Variants in ATE1 observed in about 807,000 individuals in gnomAD.
ATE1 encodes the protein arginyl-tRNA--protein transferase 1.
Under a neutral mutation model 70.5 loss-of-function variants are expected in ATE1, and 36 were observed. The ratio of observed to expected loss-of-function variants is 0.51; its 90% CI spans 0.39 to 0.67. The LOEUF (loss-of-function observed/expected upper bound fraction) is 0.67, where lower values mean the gene tolerates loss of function less well. Ranked by LOEUF, ATE1 falls within the 30% of genes least tolerant of loss-of-function variation. The pLI, the probability that ATE1 is intolerant of heterozygous loss-of-function variation, is 0.00. For missense variants in ATE1, 593 were observed against 629.5 expected (o/e 0.94, Z 0.62); for synonymous variants, 232 against 219.3 (o/e 1.06, Z -0.51).
At chr10:121,755,909 G>T (rs555338506) in intron 11 of ATE1, among the ~76,000 whole-genome samples, 8 of 152,048 alleles carry the variant, frequency 5.3e-5, no homozygotes, top group Admixed American at 2.0e-4. Context: ...CCCAAATCTC[G>T]TATCTTCACA....
Position 121,836,791 on chromosome 10 carries a change from T to C in ATE1, c.1184A>G (p.His395Arg), listed in dbSNP as rs748028897. ...LREIAFTRQL[H>R]EKTSQLSYYY... is the part of the protein sequence containing the mutation. Reference sequence around the variant, plus strand: ...ATAGCTGAGTTGAGAAGTTTTCTCATGAAGCTGCCTAGTAAAAGCAATTTC... The same window carrying C: ...ATAGCTGAGTTGAGAAGTTTTCTCACGAAGCTGCCTAGTAAAAGCAATTTC... Residue 395 changes from histidine (H) to arginine (R), a missense_variant, in exon 10 of 12, where the codon CAT (histidine) becomes CGT (arginine). Physicochemically the swap from His to Arg is conservative, Grantham distance 29. Coordinates refer to ENST00000224652, the MANE Select transcript of ATE1 (RefSeq NM_001001976.3). The C allele has an allele frequency of 3.1e-6, 5 of 1,603,160 alleles. No individual in the cohort carries two copies. The highest frequency in any genetic ancestry group is 2.7e-5 in the African/African-American group (2 of 74,336).
chr10:121,748,644 GT>G (rs1001822825), intron 11 of ATE1, among the ~76,000 whole-genome samples: 2 of 150,604 alleles, frequency 1.3e-5, no homozygotes, highest in African/African-American at 4.9e-5. Context: ...AAGTTCAATA[GT>G]TTTTTTGTTT....
chr10:121,769,299 G>A (rs1945405087), intron 11 of ATE1, among the ~76,000 whole-genome samples: 1 of 152,068 alleles, frequency 6.6e-6, no homozygotes, highest in Non-Finnish European at 1.5e-5. Flanking sequence ...GAAGGAAGAG[G>A]AGCTTTTCCA....
intron 7 of ATE1, among the ~76,000 whole-genome samples, chr10:121,893,822 T>C (rs1214061708): frequency 1.3e-5 from 2 of 151,884 alleles, no homozygotes; most frequent in African/African-American, 4.8e-5. Flanking sequence ...AAATATTTAA[T>C]GCAAAAGCAA....
chr10:121,883,101 A>G (rs1950274998), intron 7 of ATE1, among the ~76,000 whole-genome samples: 1 of 152,134 alleles, frequency 6.6e-6, no homozygotes, highest in Non-Finnish European at 1.5e-5. Flanking sequence ...CTGTAACTTT[A>G]CTAACAATAA....
At chr10:121,879,904 G>A (rs1950175946) in intron 7 of ATE1, among the ~76,000 whole-genome samples, 1 of 152,146 alleles carries the variant, frequency 6.6e-6, no homozygotes, top group South Asian at 2.1e-4. Flanking sequence ...TACATACCAA[G>A]AAATATGGAG....
At chr10:121,911,339 T>C (rs558291991) in intron 4 of ATE1, among the ~76,000 whole-genome samples, 188 bp from the exon 5 acceptor site, 1 of 152,098 alleles carries the variant, frequency 6.6e-6, no homozygotes, top group South Asian at 2.1e-4. Context: ...GGTTCATGCC[T>C]GTAATTCCAG....
At chr10:121,815,680 T>C (rs970814649) in intron 10 of ATE1, among the ~76,000 whole-genome samples, 6 of 152,170 alleles carry the variant, frequency 3.9e-5, no homozygotes, top group African/African-American at 1.4e-4. Context: ...TTCAAGCTTG[T>C]TATGGTGAAC....
intron 1 of ATE1, 139 bp downstream of exon 1, chr10:121,927,705 C>G: frequency 7.5e-7 from 1 of 1,336,582 alleles, no homozygotes; most frequent in Non-Finnish European, 9.6e-7. Flanking sequence ...GCGCCGCGGC[C>G]CTCCCGAGAG....
intron 8 of ATE1, among the ~76,000 whole-genome samples, chr10:121,847,663 G>A (rs1310276025): frequency 1.5e-5 from 2 of 135,508 alleles, no homozygotes; most frequent in Admixed American, 7.4e-5. Context: ...GAGGCTGAGG[G>A]AGGACAGTTG....
intron 11 of ATE1, among the ~76,000 whole-genome samples, chr10:121,764,111 CCA>C (rs1349507844): frequency 1.3e-5 from 2 of 151,606 alleles, no homozygotes; most frequent in Non-Finnish European, 2.9e-5. Context: ...ATGTAGCACA[CCA>C]ATGTGAGATG....
intron 4 of ATE1, among the ~76,000 whole-genome samples, chr10:121,913,045 A>G (rs1951507354): frequency 6.6e-6 from 1 of 152,024 alleles, no homozygotes; most frequent in Admixed American, 6.6e-5. Flanking sequence ...ACGCCAGGCT[A>G]ATTTTTTGTA....
At position 121,784,877 on chromosome 10, in the gene ATE1, G is replaced by A. The variant is rs1003059793; in HGVS notation, c.1378+5292C>T. On this transcript the variant is annotated intron_variant, in intron 11 of 11. Transcript: ENST00000224652. ...CCATCACAAAAAAAGAAAAAAAATC[G>A]TAATAATACAATAGAGTGATATTTT... 4.6e-5 allele frequency among the ~76,000 whole-genome samples: 7 copies of A among 151,930 alleles called. No homozygotes were observed. The South Asian group carries it at 6.2e-4, about 14-fold the overall frequency.
intron 10 of ATE1, among the ~76,000 whole-genome samples, chr10:121,820,031 A>G (rs1332735793): frequency 6.6e-6 from 1 of 152,100 alleles, no homozygotes; most frequent in Non-Finnish European, 1.5e-5. Flanking sequence ...CTGTAATTCC[A>G]GCTACCAGGG....
chr10:121,742,548 C>CT lies in ATE1; in HGVS notation c.*1131dup, dbSNP rs1183979002. On this transcript the variant is annotated 3_prime_UTR_variant, in exon 12 of 12. Coordinates refer to ENST00000224652, the MANE Select transcript of ATE1 (RefSeq NM_001001976.3). ...CGACTATAGCTAAGAAGGGACATGT[C>CT]TGACTGTCCTCCTGTACCCAGCACA... 3 of 152,198 alleles carry CT rather than the reference C, an allele frequency of 2.0e-5. No individual in the cohort carries two copies. Among genetic ancestry groups the CT allele is most frequent in the Non-Finnish European group, 4.4e-5 (3 of 68,052 alleles). 9.4% of individuals were successfully genotyped at this position (152,198 alleles called of 1,614,324 possible). A position where few individuals can be genotyped will look rare whatever the true frequency, so the allele number is the denominator to read the frequency against.
intron 8 of ATE1, among the ~76,000 whole-genome samples, chr10:121,859,264 T>A (rs1363726710): frequency 3.4e-5 from 5 of 146,442 alleles, no homozygotes; most frequent in African/African-American, 7.5e-5. Context: ...TATTTTATTT[T>A]TTTTTTTTTT....
At chr10:121,837,209 A>G (rs763911862) in intron 9 of ATE1, among the ~76,000 whole-genome samples, 3 of 152,244 alleles carry the variant, frequency 2.0e-5, no homozygotes, top group Admixed American at 1.3e-4. Context: ...CCAATAAATT[A>G]CAGGACGAAT....
chr10:121,869,990 A>G lies in ATE1; in HGVS notation c.975+16T>C, dbSNP rs761896023. ...AATTACCAATTCTAATATTAAGGTC[A>G]GTGAGTAACTCTTACCTCCAAGGGT... On this transcript the variant is annotated intron_variant, in intron 8 of 11. Coordinates refer to ENST00000224652, the MANE Select transcript of ATE1 (RefSeq NM_001001976.3). The G allele has an allele frequency of 2.5e-6, 4 of 1,594,438 alleles. No individual in the cohort carries two copies. The highest frequency in any genetic ancestry group is 2.2e-5 in the East Asian group (1 of 44,710).
intron 5 of ATE1, among the ~76,000 whole-genome samples, chr10:121,904,692 TC>T (rs1416242059): frequency 1.3e-5 from 1 of 77,636 alleles, no homozygotes; most frequent in Non-Finnish European, 2.6e-5. Flanking sequence ...ACAAACCATA[TC>T]AAAGTCAGCA....
Sources: allele counts gnomAD v4.1 joint callset (sites outside exome capture counted in the v4.1 genomes callset), GRCh38; gene constraint gnomAD v4.1.1; transcripts MANE v1.5; gene names NCBI Gene and HGNC (gene_info 2026-07-23, HGNC 2026-07-21).